The following NIPBL variants were observed in gnomAD, a reference collection of about 807,000 sequenced individuals.
NIPBL encodes the protein nipped-B-like protein.
In NIPBL, 19 loss-of-function variants were observed where a neutral mutation model predicts 321.8. The ratio of observed to expected loss-of-function variants is 0.06; its 90% CI spans 0.04 to 0.09. NIPBL has a LOEUF of 0.09. Ranked by LOEUF, NIPBL falls within the 10% of genes least tolerant of loss-of-function variation. NIPBL has a pLI of 1.00. For synonymous variants in NIPBL, 1,106 were observed against 1,114.1 expected, an observed-to-expected ratio of 0.99 and a Z score of 0.14; for missense variants, 2,210 against 3,327.0, an observed-to-expected ratio of 0.66 and a Z score of 8.26.
chr5:37,025,782 A>T (rs960706593), intron 30 of NIPBL, among the ~76,000 whole-genome samples: 2 of 152,166 alleles, frequency 1.3e-5, no homozygotes, highest in Admixed American at 1.3e-4. Flanking sequence ...TACTTCATAA[A>T]TGTGTACAGC....
intron 1 of NIPBL, among the ~76,000 whole-genome samples, chr5:36,913,849 A>G (rs937981277): frequency 5.3e-5 from 8 of 152,190 alleles, no homozygotes; most frequent in Non-Finnish European, 8.8e-5. Context: ...CAAACTTACT[A>G]AGTAAATGGA....
chr5:37,046,845 C>CA (rs1753031515), intron 38 of NIPBL, among the ~76,000 whole-genome samples: 1 of 151,802 alleles, frequency 6.6e-6, no homozygotes, highest in African/African-American at 2.4e-5. Flanking sequence ...GAATGCACTT[C>CA]AAAAAAATAC....
chr5:36,934,064 A>G (rs978642952), intron 1 of NIPBL, among the ~76,000 whole-genome samples: 1 of 152,108 alleles, frequency 6.6e-6, no homozygotes, highest in African/African-American at 2.4e-5. Flanking sequence ...ATGTTTGTAT[A>G]TGACCACCTG....
chr5:36,994,446 TG>T lies in NIPBL; in HGVS notation c.3122-1175del, dbSNP rs1349333874. ...ATATCTCCATCTTGAGTTATTTGAT[TG>T]TATCGTCTTAATATTCTTGATAGCT... On this transcript the variant is annotated intron_variant, in intron 10 of 46. Transcript: ENST00000282516. Among the ~76,000 whole-genome samples, 9 of 152,302 alleles carry T rather than the reference TG, an allele frequency of 5.9e-5. No individual in the cohort carries two copies. In the East Asian group the frequency reaches 1.7e-3, roughly 29 times the overall value.
At chr5:36,909,824 T>G (rs1747911321) in intron 1 of NIPBL, among the ~76,000 whole-genome samples, 1 of 152,176 alleles carries the variant, frequency 6.6e-6, no homozygotes, top group African/African-American at 2.4e-5. Flanking sequence ...ACACCAGTGA[T>G]CCCAGCACTT....
At chr5:37,039,281 T>C (rs1752062222) in intron 34 of NIPBL, among the ~76,000 whole-genome samples, 1 of 150,648 alleles carries the variant, frequency 6.6e-6, no homozygotes, top group Non-Finnish European at 1.5e-5. Context: ...ATACAGTCTT[T>C]TTTAATTTTT....
chr5:37,018,864 A>C (rs1344596274), intron 24 of NIPBL, among the ~76,000 whole-genome samples: 1 of 152,172 alleles, frequency 6.6e-6, no homozygotes. Context: ...TTACACCTGT[A>C]ATCTCAGAAG....
intron 1 of NIPBL, among the ~76,000 whole-genome samples, chr5:36,905,239 T>G (rs1028895861): frequency 6.6e-6 from 1 of 152,180 alleles, no homozygotes; most frequent in Non-Finnish European, 1.5e-5. Context: ...TACTAAGAGA[T>G]AATATTACTG....
intron 1 of NIPBL, among the ~76,000 whole-genome samples, chr5:36,924,036 A>T (rs990599949): frequency 6.6e-6 from 1 of 152,140 alleles, no homozygotes; most frequent in Admixed American, 6.5e-5. Flanking sequence ...TTCCACTAAG[A>T]TCTGTTATTA....
chr5:37,001,334 A>G (rs1746777625), intron 14 of NIPBL, among the ~76,000 whole-genome samples: 1 of 152,136 alleles, frequency 6.6e-6, no homozygotes, highest in African/African-American at 2.4e-5. Flanking sequence ...ACAGAGGCAT[A>G]CTCTGTGCTA....
At chr5:36,912,116 T>C (rs1748093992) in intron 1 of NIPBL, among the ~76,000 whole-genome samples, 1 of 152,058 alleles carries the variant, frequency 6.6e-6, no homozygotes, top group African/African-American at 2.4e-5. Flanking sequence ...AAAGAATAAA[T>C]CCTAAAATCT....
chr5:37,039,120 C>T (rs1028934672), intron 34 of NIPBL, among the ~76,000 whole-genome samples: 5 of 151,802 alleles, frequency 3.3e-5, no homozygotes, highest in African/African-American at 9.7e-5. Context: ...TTGCTTGAAG[C>T]ACACAAAGAC....
intron 14 of NIPBL, among the ~76,000 whole-genome samples, chr5:37,001,889 T>C (rs982389746): frequency 3.9e-5 from 6 of 152,214 alleles, no homozygotes; most frequent in African/African-American, 1.4e-4. Context: ...GTATTTGTTT[T>C]GTGAGAATTA....
chr5:37,011,245 TAATA>T (rs1394798522), intron 21 of NIPBL, among the ~76,000 whole-genome samples: 1 of 152,162 alleles, frequency 6.6e-6, no homozygotes, highest in African/African-American at 2.4e-5. Flanking sequence ...TTGGGAATAA[TAATA>T]AATATGTAAT....
chr5:37,018,534 C>T (rs1343486341), intron 24 of NIPBL, among the ~76,000 whole-genome samples: 1 of 152,120 alleles, frequency 6.6e-6, no homozygotes, highest in Non-Finnish European at 1.5e-5. Context: ...GTTGTTTCTC[C>T]TAGGAATCTT....
chr5:37,022,767 A>G (rs1749796288), intron 29 of NIPBL, among the ~76,000 whole-genome samples: 1 of 152,238 alleles, frequency 6.6e-6, no homozygotes, highest in Non-Finnish European at 1.5e-5. Flanking sequence ...TCAGTGAGAG[A>G]CACGTACAGA....
rs1755302789 is a variant in NIPBL at position 37,065,762 on chromosome 5, C to T, written c.*870C>T. ...TTAGTATTAACTATATATGATTTAG[C>T]ACTGTGCCAAACACATTTTCAAGAG... On this transcript the variant is annotated 3_prime_UTR_variant, in exon 47 of 47. Coordinates refer to ENST00000282516, the MANE Select transcript of NIPBL (RefSeq NM_133433.4). 6.6e-6 allele frequency: 1 copy of T among 152,552 alleles called. No homozygotes were observed. Among genetic ancestry groups the T allele is most frequent in the Non-Finnish European group, 1.5e-5 (1 of 68,012 alleles). The allele number at this position is 152,552 out of a possible 1,614,324, so 9.4% of individuals were successfully genotyped here.
At chr5:36,894,782 T>A (rs186826364) in intron 1 of NIPBL, among the ~76,000 whole-genome samples, 293 of 152,314 alleles carry the variant, frequency 1.9e-3, no homozygotes, top group Non-Finnish European at 3.6e-3. Context: ...TTATAGAAAT[T>A]ATATGTTAGC....
chr5:36,938,325 A>C (rs542686160), intron 1 of NIPBL, among the ~76,000 whole-genome samples: 1 of 151,934 alleles, frequency 6.6e-6, no homozygotes, highest in East Asian at 1.9e-4. Flanking sequence ...AGGGAGGCAC[A>C]CACCACACAC....
Sources: gnomAD v4.1 joint callset for allele counts (sites outside exome capture counted in the v4.1 genomes callset) on GRCh38, gnomAD v4.1.1 for gene constraint, MANE v1.5 for transcripts, NCBI Gene and HGNC (gene_info 2026-07-23, HGNC 2026-07-21) for gene names.